Variants in LAMB4 observed in about 807,000 individuals in gnomAD.
LAMB4 encodes laminin subunit beta 4, also known as laminin subunit beta-4.
Under a neutral mutation model 199.2 loss-of-function variants are expected in LAMB4, and 196 were observed. The observed-to-expected ratio is 0.98, with a 90% CI of 0.88 to 1.11. The LOEUF is 1.11. Among genes scored for constraint, LAMB4 ranks in the 50% least tolerant of loss-of-function variants. The pLI is 0.00. For missense variants in LAMB4, 2,080 were observed against 2,171.2 expected, an observed-to-expected ratio of 0.96 and a Z score of 0.83; for synonymous variants, 744 against 770.6, an observed-to-expected ratio of 0.97 and a Z score of 0.57.
At chr7:108,036,483 C>T (rs1436071606) in intron 30 of LAMB4, among the ~76,000 whole-genome samples, 22 of 152,138 alleles carry the variant, frequency 1.4e-4, no homozygotes, top group Non-Finnish European at 2.6e-4. Flanking sequence ...CCACCGTGCC[C>T]GGCCTACTTA....
intron 32 of LAMB4, among the ~76,000 whole-genome samples, chr7:108,029,647 G>C (rs765343288): frequency 3.3e-5 from 5 of 152,204 alleles, no homozygotes; most frequent in Non-Finnish European, 7.3e-5. Flanking sequence ...AAAAAGGTGA[G>C]AGAGAAATGA....
At chr7:108,078,386 T>C in intron 15 of LAMB4, 70 bp from the exon 16 acceptor site, 1 of 948,008 alleles carries the variant, frequency 1.1e-6, no homozygotes, top group Non-Finnish European at 1.7e-6. Flanking sequence ...TACACACATA[T>C]AGCTAATGGA....
intron 2 of LAMB4, among the ~76,000 whole-genome samples, chr7:108,121,961 T>C (rs1228116307): frequency 2.6e-5 from 4 of 152,236 alleles, no homozygotes; most frequent in Non-Finnish European, 4.4e-5. Context: ...GATATGTAGC[T>C]AACCTGCTTG....
intron 17 of LAMB4, 107 bp downstream of exon 17, chr7:108,076,837 G>T: frequency 7.8e-7 from 1 of 1,279,066 alleles, no homozygotes; most frequent in Non-Finnish European, 1.1e-6. Context: ...TTATAATTGA[G>T]CAAATACGTT....
At position 108,098,485 on chromosome 7, in the gene LAMB4, T is replaced by A. The variant is rs1273891046; in HGVS notation, c.1278A>T (p.Lys426Asn). The A allele has an allele frequency of 2.7e-5, 43 of 1,608,142 alleles. No homozygotes were observed. Among genetic ancestry groups the A allele is most frequent in the Non-Finnish European group, 3.6e-5 (42 of 1,177,722 alleles). ...LGSVAGQCLC[K>N]ENVEGAKCDQ... The stretch of plus-strand genomic sequence containing the variant: ...CGCATTTGGCTCCTTCCACGTTCTC[T>A]TTACAAAGGCACTGGCCGGCCACAG... The change falls in exon 11 of 34, where the codon AAA (lysine) becomes AAT (asparagine). Residue 426 changes from lysine (K) to asparagine (N), a missense_variant. By Grantham distance (94) the Lys-to-Asn change is moderately conservative. Transcript: ENST00000388781.
chr7:108,126,728 C>G (rs780525076), intron 1 of LAMB4, among the ~76,000 whole-genome samples: 37 of 148,266 alleles, frequency 2.5e-4, no homozygotes, highest in Non-Finnish European at 3.4e-4. Flanking sequence ...CCGCGCCCGA[C>G]TAATTTTTTT....
At chr7:108,095,902 A>G (rs926420757) in intron 11 of LAMB4, among the ~76,000 whole-genome samples, 3 of 152,246 alleles carry the variant, frequency 2.0e-5, no homozygotes, top group African/African-American at 4.8e-5. Context: ...GAAATAACCC[A>G]AATGTCCCAT....
chr7:108,092,274 TCA>T, intron 13 of LAMB4, 61 bp downstream of exon 13: 1 of 1,290,988 alleles, frequency 7.7e-7, no homozygotes. Flanking sequence ...TATGAGCGTA[TCA>T]GAATAAAATG....
At position 108,079,644 on chromosome 7, in the gene LAMB4, G is replaced by C. The variant is rs1336696238; in HGVS notation, c.1844C>G (p.Pro615Arg). ...GGCAATGGTGAAGTCCACAGGAAAG[G>C]GAATGTTGTTGACAGCAAATCTCAA... ...AGLRFAVNNI[P>R]FPVDFTIAIH... is the part of the protein sequence containing the mutation. Residue 615 changes from proline to arginine, a missense_variant, in exon 15 of 34, where the codon CCC (proline) becomes CGC (arginine). Coordinates refer to ENST00000388781, the MANE Select transcript of LAMB4 (RefSeq NM_007356.3). 1.2e-6 allele frequency: 2 copies of C among 1,612,882 alleles called. No individual in the cohort carries two copies. The highest frequency in any genetic ancestry group is 4.5e-5 in the East Asian group (2 of 44,826).
At chr7:108,027,032 T>C (rs1384803550) in intron 33 of LAMB4, 5 of 394,710 alleles carry the variant, frequency 1.3e-5, no homozygotes, top group African/African-American at 1.0e-4. Context: ...CTGTGGTCAA[T>C]GGGGATCAGT....
In LAMB4 at chr7:108,073,985, T is replaced by C. The variant is rs373818538; in HGVS notation, c.2124+2959A>G. Among the ~76,000 whole-genome samples the C allele has an allele frequency of 6.8e-4, 103 of 152,308 alleles. 2 individuals carry two copies. In the South Asian group the frequency reaches 0.018, roughly 26 times the overall value. ...GTGGTGGTGGTGGTGAACCTGTAGC[T>C]GAGCATTTATAAGGCACTGCTTTGC... On this transcript the variant is annotated intron_variant, in intron 17 of 33. Transcript: ENST00000388781.
the LAMB4 span, among the ~76,000 whole-genome samples, chr7:108,012,837 A>AT: frequency 6.6e-6 from 1 of 151,750 alleles, no homozygotes; most frequent in East Asian, 1.9e-4. Flanking sequence ...ACCAAACCCA[A>AT]TTTTTTGGCT....
At chr7:108,026,490 T>G (rs1268410744) in intron 33 of LAMB4, 1 of 165,606 alleles carries the variant, frequency 6.0e-6, no homozygotes, top group Non-Finnish European at 1.3e-5. Context: ...CTAACGCAGC[T>G]GCTTGAGAAA....
intron 11 of LAMB4, 100 bp downstream of exon 11, chr7:108,098,303 A>T: frequency 1.4e-6 from 1 of 701,908 alleles, no homozygotes; most frequent in Non-Finnish European, 1.9e-6. Flanking sequence ...ACTGTACTCC[A>T]GCCTGGGCGA....
Position 108,104,593 on chromosome 7 carries a change from G to A in LAMB4, c.897C>T (p.His299=). Residue 299 remains histidine (H), a synonymous_variant, in exon 9 of 34, where the codon CAC becomes CAT. Coordinates refer to ENST00000388781, the MANE Select transcript of LAMB4 (RefSeq NM_007356.3). ...TCTCACAGTTCGGACCATCTGTATT[G>A]TGCTGACACACACACTGACCGTGAA... ...GMVHGQCVCQ[H]NTDGPNCERC... is the part of the protein sequence containing the mutation. The A allele has an allele frequency of 6.2e-7, 1 of 1,614,192 alleles. No individual in the cohort carries two copies. Among genetic ancestry groups the A allele is most frequent in the Non-Finnish European group, 8.5e-7 (1 of 1,180,034 alleles).
intron 28 of LAMB4, among the ~76,000 whole-genome samples, chr7:108,045,939 A>ATGTG (rs376513701): frequency 6.6e-6 from 1 of 151,122 alleles, no homozygotes; most frequent in African/African-American, 2.4e-5. Flanking sequence ...GTGTGTGTGC[A>ATGTG]TGTGTGTGTG....
At chr7:108,118,377 G>T (rs75686809) in intron 2 of LAMB4, among the ~76,000 whole-genome samples, 6,795 of 152,128 alleles carry the variant, frequency 0.045, 182 homozygotes, top group Admixed American at 0.06. Flanking sequence ...CAATATGAAG[G>T]CTTACTATAT....
At chr7:108,127,175 G>T (rs1401086177) in intron 1 of LAMB4, among the ~76,000 whole-genome samples, 3 of 138,182 alleles carry the variant, frequency 2.2e-5, no homozygotes, top group Admixed American at 7.2e-5. Context: ...AATCACCAGG[G>T]TTTTTTTTTT....
intron 32 of LAMB4, among the ~76,000 whole-genome samples, chr7:108,030,517 G>A (rs2034990393): frequency 6.6e-6 from 1 of 152,146 alleles, no homozygotes; most frequent in Non-Finnish European, 1.5e-5. Context: ...TGAAAAGTTT[G>A]GAAGTTCGGG....
Sources: gnomAD v4.1 joint callset for allele counts (sites outside exome capture counted in the v4.1 genomes callset) on GRCh38, gnomAD v4.1.1 for gene constraint, MANE v1.5 for transcripts, NCBI Gene and HGNC (gene_info 2026-07-23, HGNC 2026-07-21) for gene names.